The following HSD17B12 variants were observed in gnomAD, a reference collection of about 807,000 sequenced individuals.
The protein encoded by HSD17B12 is very-long-chain 3-oxoacyl-CoA reductase.
A neutral mutation model predicts 39.3 loss-of-function variants in HSD17B12; 32 were observed. The observed-to-expected ratio is 0.81, with a 90% CI of 0.61 to 1.09. The LOEUF (loss-of-function observed/expected upper bound fraction) is 1.09. HSD17B12 is among the 50% of genes least tolerant of loss of function. The pLI, the probability that HSD17B12 is intolerant of heterozygous loss-of-function variation, is 0.00. For missense variants in HSD17B12, 342 were observed against 382.9 expected (o/e 0.89, Z 0.89); for synonymous variants, 150 against 146.7 (o/e 1.02, Z -0.16).
intron 4 of HSD17B12, among the ~76,000 whole-genome samples, chr11:43,805,442 G>A (rs1361652285): frequency 2.0e-5 from 3 of 152,086 alleles, no homozygotes; most frequent in Admixed American, 6.6e-5. Flanking sequence ...ATAATCAGTG[G>A]GGTGCAGAGA....
chr11:43,630,213 G>A, the HSD17B12 span, among the ~76,000 whole-genome samples: 1 of 152,078 alleles, frequency 6.6e-6, no homozygotes, highest in African/African-American at 2.4e-5. Flanking sequence ...GAATTGAATG[G>A]GGAGACCAAT....
intron 4 of HSD17B12, among the ~76,000 whole-genome samples, chr11:43,809,993 G>A (rs768956576): frequency 3.7e-4 from 57 of 152,140 alleles, no homozygotes; most frequent in African/African-American, 1.3e-3. Flanking sequence ...GATGTATGTC[G>A]GGAAGCCCGG....
chr11:43,558,260 C>A, the HSD17B12 span, among the ~76,000 whole-genome samples: 2 of 151,814 alleles, frequency 1.3e-5, no homozygotes, highest in African/African-American at 4.8e-5. Flanking sequence ...ACCTTGGGGG[C>A]CAGAGTTCAA....
chr11:43,800,136 G>C (rs1417265573), intron 4 of HSD17B12, among the ~76,000 whole-genome samples: 1 of 152,080 alleles, frequency 6.6e-6, no homozygotes, highest in Admixed American at 6.5e-5. Context: ...CCTAGATCTG[G>C]AATACATAAG....
the HSD17B12 span, among the ~76,000 whole-genome samples, chr11:43,621,486 G>A: frequency 6.6e-6 from 1 of 152,104 alleles, no homozygotes. Context: ...AGGCCGAGGT[G>A]GGAGGATCAC....
the HSD17B12 span, among the ~76,000 whole-genome samples, chr11:43,557,467 C>T: frequency 6.6e-6 from 1 of 152,160 alleles, no homozygotes; most frequent in Non-Finnish European, 1.5e-5. Flanking sequence ...ATATGTCTTG[C>T]ATAGAGAACT....
intron 6 of HSD17B12, chr11:43,830,721 A>G (rs1283096755): frequency 3.5e-6 from 1 of 288,578 alleles, no homozygotes; most frequent in Non-Finnish European, 6.4e-6. Context: ...TGCCAGTATT[A>G]CATTTCAGGC....
chr11:43,844,526 G>A (rs1255596929), intron 9 of HSD17B12, among the ~76,000 whole-genome samples: 1 of 150,784 alleles, frequency 6.6e-6, no homozygotes, highest in African/African-American at 2.4e-5. Context: ...GATGAGGACT[G>A]TTTGTTCTCA....
intron 1 of HSD17B12, among the ~76,000 whole-genome samples, chr11:43,717,653 C>T (rs1950136246): frequency 6.6e-6 from 1 of 152,158 alleles, no homozygotes; most frequent in Non-Finnish European, 1.5e-5. Flanking sequence ...CCTCAGTTTT[C>T]TTCCATGTGG....
At chr11:43,571,779 C>A in the HSD17B12 span, among the ~76,000 whole-genome samples, 28 of 152,240 alleles carry the variant, frequency 1.8e-4, no homozygotes, top group African/African-American at 6.3e-4. Flanking sequence ...AAACTTTCAC[C>A]CTCAAATCTC....
chr11:43,568,068 C>A, the HSD17B12 span, among the ~76,000 whole-genome samples: 1 of 151,952 alleles, frequency 6.6e-6, no homozygotes, highest in African/African-American at 2.4e-5. Context: ...AATCTCAGCC[C>A]TGTTTGTTTT....
At chr11:43,669,701 TTG>T in the HSD17B12 span, among the ~76,000 whole-genome samples, 1 of 152,146 alleles carries the variant, frequency 6.6e-6, no homozygotes, top group African/African-American at 2.4e-5. Flanking sequence ...TCTGCTTCCA[TTG>T]TCTCTCCCTC....
chr11:43,797,734 T>C (rs146876288), intron 3 of HSD17B12, among the ~76,000 whole-genome samples: 3 of 152,348 alleles, frequency 2.0e-5, no homozygotes, highest in African/African-American at 7.2e-5. Context: ...AGTAGAATAC[T>C]GAGTTGTTTC....
At chr11:43,854,690 TC>T (rs1462378103) in intron 9 of HSD17B12, 24 bp from the exon 10 acceptor site, 1 of 1,612,078 alleles carries the variant, frequency 6.2e-7, no homozygotes, top group Non-Finnish European at 8.5e-7. Flanking sequence ...TGGCATGTTT[TC>T]TGGGGTGGGT....
chr11:43,808,643 C>G (rs937432498), intron 4 of HSD17B12, among the ~76,000 whole-genome samples: 1 of 152,108 alleles, frequency 6.6e-6, no homozygotes, highest in Non-Finnish European at 1.5e-5. Flanking sequence ...GCAAATCTTA[C>G]CTAGTTTTGT....
intron 3 of HSD17B12, among the ~76,000 whole-genome samples, chr11:43,767,324 G>C (rs1319424951): frequency 6.6e-6 from 1 of 152,076 alleles, no homozygotes; most frequent in Non-Finnish European, 1.5e-5. Context: ...TGTTCTAAGT[G>C]GATAATTGGA....
the HSD17B12 span, among the ~76,000 whole-genome samples, chr11:43,620,838 A>G: frequency 1.3e-5 from 2 of 152,226 alleles, no homozygotes; most frequent in Admixed American, 1.3e-4. Context: ...TGCTTAAGTT[A>G]TAAAGACATC....
chr11:43,688,789 A>T (rs1449385380), intron 1 of HSD17B12, among the ~76,000 whole-genome samples: 2 of 152,196 alleles, frequency 1.3e-5, no homozygotes, highest in Non-Finnish European at 2.9e-5. Flanking sequence ...TTAGGCAAAA[A>T]TAGTTAACCT....
chr11:43,632,510 CTT>C, the HSD17B12 span, among the ~76,000 whole-genome samples: 1 of 152,126 alleles, frequency 6.6e-6, no homozygotes, highest in African/African-American at 2.4e-5. Context: ...CTTTATGGCT[CTT>C]CTTTCCTACT....
Sources: gnomAD v4.1 joint callset for allele counts (sites outside exome capture counted in the v4.1 genomes callset) on GRCh38, gnomAD v4.1.1 for gene constraint, MANE v1.5 for transcripts, NCBI Gene and HGNC (gene_info 2026-07-23, HGNC 2026-07-21) for gene names.